The following NHSL1 variants were observed in gnomAD, a reference collection of about 807,000 sequenced individuals.
NHSL1 encodes NHS like 1.
A neutral mutation model predicts 95.0 loss-of-function variants in NHSL1; 48 were observed. The observed-to-expected ratio is 0.51, with a 90% CI of 0.40 to 0.64. The LOEUF is 0.64. Among genes scored for constraint, NHSL1 ranks in the 30% least tolerant of loss-of-function variants. NHSL1 has a pLI of 0.00. For synonymous variants in NHSL1, 783 were observed against 833.9 expected, an observed-to-expected ratio of 0.94 and a Z score of 1.05; for missense variants, 1,971 against 2,077.7, an observed-to-expected ratio of 0.95 and a Z score of 1.00.
chr6:138,489,315 A>G (rs1299106800), intron 2 of NHSL1, among the ~76,000 whole-genome samples: 1 of 152,216 alleles, frequency 6.6e-6, no homozygotes, highest in Non-Finnish European at 1.5e-5. Flanking sequence ...CCATGTAAAC[A>G]GATATTATGG....
intron 1 of NHSL1, among the ~76,000 whole-genome samples, chr6:138,553,248 C>A (rs1359704442): frequency 6.6e-6 from 1 of 152,194 alleles, no homozygotes; most frequent in African/African-American, 2.4e-5. Flanking sequence ...TCCATAGGGT[C>A]TTGTACCTCT....
Position 138,692,051 on chromosome 6 carries a change from C to G in NHSL1, c.96+425G>C, listed in dbSNP as rs58674844. The G allele has an allele frequency of 4.4e-6, 2 of 456,536 alleles. No individual in the cohort carries two copies. Among genetic ancestry groups the G allele is most frequent in the South Asian group, 1.5e-5 (1 of 64,566 alleles). 28.3% of individuals were successfully genotyped at this position (456,536 alleles called of 1,614,324 possible). ...TTTTACAAACGGATCGTCCTGAAGT[C>G]TCCAAAACTGTAACTACTATATGCC... On this transcript the variant is annotated intron_variant, in intron 1 of 3. Transcript: ENST00000491526. This position sits in a 1 kb window ranked among gnomAD's most constrained non-coding sequence, Gnocchi z 4.0.
intron 2 of NHSL1, among the ~76,000 whole-genome samples, chr6:138,479,416 T>C (rs896997089): frequency 6.6e-6 from 1 of 152,174 alleles, no homozygotes; most frequent in South Asian, 2.1e-4. Flanking sequence ...TAAGGGTGAC[T>C]TGAATACAAG....
In NHSL1 at chr6:138,480,887, G is replaced by A. The variant is rs540552783; in HGVS notation, c.212-7454C>T. Among the ~76,000 whole-genome samples the A allele has an allele frequency of 1.8e-3, 276 of 152,198 alleles. 1 individual carries two copies. The highest frequency in any genetic ancestry group is 6.4e-3 in the African/African-American group (264 of 41,526). On this transcript the variant is annotated intron_variant, in intron 2 of 7. Coordinates refer to ENST00000343505, the MANE Select transcript of NHSL1 (RefSeq NM_001144060.2). ...CTCTTGTTATCATTACCTGATTTGT[G>A]TTTACAATAATTCTCTGAGAATTGA...
At chr6:138,544,159 T>C (rs1782692095) in intron 1 of NHSL1, among the ~76,000 whole-genome samples, 2 of 152,200 alleles carry the variant, frequency 1.3e-5, no homozygotes, top group South Asian at 4.1e-4. Context: ...TGGATTGTAA[T>C]GATTTCAACT....
intron 1 of NHSL1, among the ~76,000 whole-genome samples, chr6:138,553,953 AAAGG>A (rs1202839261): frequency 6.6e-6 from 1 of 152,224 alleles, no homozygotes; most frequent in Admixed American, 6.5e-5. Flanking sequence ...TGGAAGTGAA[AAAGG>A]AAGAAAAATA....
chr6:138,552,671 G>A (rs568601970), intron 1 of NHSL1, among the ~76,000 whole-genome samples: 4 of 152,182 alleles, frequency 2.6e-5, no homozygotes, highest in African/African-American at 9.6e-5. Flanking sequence ...TCTTCCCAGG[G>A]AAGGTAAAGA....
intron 1 of NHSL1, among the ~76,000 whole-genome samples, chr6:138,589,959 T>G (rs1366834221): frequency 6.6e-6 from 1 of 152,142 alleles, no homozygotes; most frequent in African/African-American, 2.4e-5. Flanking sequence ...CTGAGCCTGA[T>G]TGCCAGCCTC....
At chr6:138,427,396 C>T (rs980029913) in intron 7 of NHSL1, among the ~76,000 whole-genome samples, 16 of 151,264 alleles carry the variant, frequency 1.1e-4, no homozygotes, top group African/African-American at 3.4e-4. Flanking sequence ...TCCAAGATCG[C>T]GCCACTGCAC....
At chr6:138,512,245 T>G in intron 1 of NHSL1, 1 of 449,624 alleles carries the variant, frequency 2.2e-6, no homozygotes. Flanking sequence ...TTTAATTATC[T>G]TATTACAACT....
intron 1 of NHSL1, among the ~76,000 whole-genome samples, chr6:138,520,890 G>C (rs1175578430): frequency 6.6e-6 from 1 of 152,140 alleles, no homozygotes; most frequent in Admixed American, 6.5e-5. Flanking sequence ...AGACAAATGG[G>C]TGGATTGGAT....
chr6:138,586,194 A>G (rs1364425764), intron 1 of NHSL1, among the ~76,000 whole-genome samples: 1 of 151,958 alleles, frequency 6.6e-6, no homozygotes, highest in Non-Finnish European at 1.5e-5. Context: ...ATCCAGGTTC[A>G]AGAGATTCTC....
rs575436886 is a variant in NHSL1, at chr6:138,499,277, A to G, written c.14T>C (p.Ile5Thr). 1.2e-5 allele frequency: 19 copies of G among 1,550,866 alleles called. No individual in the cohort carries two copies. In the African/African-American group the frequency reaches 2.6e-4, roughly 21 times the overall value. MVVF[I>T]NAKIKSLIKL... is the part of the protein sequence containing the mutation. The stretch of plus-strand genomic sequence containing the variant: ...AATTAAAGACTTAATCTTTGCATTA[A>G]TGAAGACCACCATTTCCAGGGCACC... The change falls in exon 1 of 8, where the codon ATT becomes ACT. Residue 5 changes from isoleucine (I) to threonine (T), a missense_variant. Transcript: ENST00000343505.
chr6:138,686,799 C>G (rs947669154), intron 1 of NHSL1, among the ~76,000 whole-genome samples: 4 of 152,160 alleles, frequency 2.6e-5, no homozygotes, highest in African/African-American at 9.7e-5. Context: ...ATTTGCCTGG[C>G]CAAAGGACAG....
intron 1 of NHSL1, among the ~76,000 whole-genome samples, chr6:138,568,833 G>A (rs1440442662): frequency 6.6e-6 from 1 of 152,140 alleles, no homozygotes; most frequent in Non-Finnish European, 1.5e-5. Context: ...TTTATCCCTA[G>A]TTTCTTGACA....
chr6:138,456,833 CTT>C (rs10609780), intron 3 of NHSL1, among the ~76,000 whole-genome samples: 20,643 of 151,690 alleles, frequency 0.14, 1,429 homozygotes, highest in Middle Eastern at 0.17. Context: ...ATGGTGTACT[CTT>C]TGATTTCAGA....
intron 3 of NHSL1, among the ~76,000 whole-genome samples, chr6:138,455,820 C>T (rs1056433784): frequency 2.0e-5 from 3 of 152,172 alleles, no homozygotes; most frequent in Non-Finnish European, 4.4e-5. Context: ...ATCAGAAATT[C>T]GTCAGTAGCT....
chr6:138,499,470 C>T lies in NHSL1; in HGVS notation c.-180G>A. On this transcript the variant is annotated 5_prime_UTR_variant, in exon 1 of 8. Transcript: ENST00000343505. ...GGTTGAGTTTATTGTCAGGCAGTTA[C>T]AAACCATTAACAGTCCTTGAACCTG... is the stretch of plus-strand genomic sequence containing the variant. The T allele has an allele frequency of 7.3e-7, 1 of 1,372,284 alleles. No individual in the cohort carries two copies. Among genetic ancestry groups the T allele is most frequent in the Non-Finnish European group, 9.5e-7 (1 of 1,049,066 alleles). The allele number at this position is 1,372,284 out of a possible 1,614,324, so 85.0% of individuals were successfully genotyped here. A position where few individuals can be genotyped will look rare whatever the true frequency, so the allele number is the denominator to read the frequency against.
At chr6:138,534,115 C>G (rs547192022) in intron 1 of NHSL1, among the ~76,000 whole-genome samples, 72 of 152,236 alleles carry the variant, frequency 4.7e-4, no homozygotes, top group African/African-American at 1.6e-3. Flanking sequence ...TATTTTCAGT[C>G]CCATTGAAAG....
Sources: allele counts gnomAD v4.1 joint callset (sites outside exome capture counted in the v4.1 genomes callset), GRCh38; gene constraint gnomAD v4.1.1; non-coding constraint Gnocchi (gnomAD v3.1); transcripts MANE v1.5; gene names NCBI Gene and HGNC (gene_info 2026-07-23, HGNC 2026-07-21).